CDC45: variants seen among roughly 807,000 people sequenced by gnomAD.
The protein encoded by CDC45 is cell division control protein 45 homolog.
Under a neutral mutation model 77.8 loss-of-function variants are expected in CDC45, and 54 were observed. The ratio of observed to expected loss-of-function variants is 0.69; its 90% CI spans 0.56 to 0.87. The LOEUF is 0.87. CDC45 is among the 40% of genes least tolerant of loss of function. The pLI, the probability that CDC45 is intolerant of heterozygous loss-of-function variation, is 0.00. For synonymous variants in CDC45, 260 were observed against 272.1 expected, an observed-to-expected ratio of 0.96 and a Z score of 0.44; for missense variants, 649 against 721.6, an observed-to-expected ratio of 0.90 and a Z score of 1.15.
At chr22:19,517,725 T>C (rs1933878276) in intron 17 of CDC45, among the ~76,000 whole-genome samples, 1 of 152,156 alleles carries the variant, frequency 6.6e-6, no homozygotes. Flanking sequence ...GCATACCTCC[T>C]TGGTGTCTGT....
chr22:19,483,783 TAA>T lies in CDC45; in HGVS notation c.343-78_343-77del, dbSNP rs567751696. 800 of 1,346,314 alleles carry T rather than the reference TAA, an allele frequency of 5.9e-4. 2 individuals carry two copies. In the African/African-American group the frequency reaches 0.011, roughly 18 times the overall value. 83.4% of individuals were successfully genotyped at this position (1,346,314 alleles called of 1,614,324 possible). A position where few individuals can be genotyped will look rare whatever the true frequency, so the allele number is the denominator to read the frequency against. ...ACTGAGTCAGCTTATTAGGAAATGATAAGATTCTGCAGAAGAACATATTGTAT... is the reference window on the plus strand; with the variant it reads ...ACTGAGTCAGCTTATTAGGAAATGATGATTCTGCAGAAGAACATATTGTAT... On this transcript the variant is annotated intron_variant, in intron 4 of 18. Transcript: ENST00000263201.
chr22:19,495,513 A>G (rs1186355382), intron 6 of CDC45, among the ~76,000 whole-genome samples: 1 of 152,214 alleles, frequency 6.6e-6, no homozygotes, highest in African/African-American at 2.4e-5. Context: ...ACACATATAC[A>G]TTCTGCTAAA....
chr22:19,519,271 G>C (rs1452504298), intron 18 of CDC45, among the ~76,000 whole-genome samples: 1 of 152,214 alleles, frequency 6.6e-6, no homozygotes, highest in Non-Finnish European at 1.5e-5. Flanking sequence ...CACAGCCTTC[G>C]TGTCAGGCGC....
chr22:19,489,022 A>G (rs1486870483), intron 5 of CDC45, among the ~76,000 whole-genome samples: 1 of 152,072 alleles, frequency 6.6e-6, no homozygotes, highest in Non-Finnish European at 1.5e-5. Flanking sequence ...CAAAAACTAC[A>G]AAAATTAGCC....
chr22:19,498,622 G>A (rs1236404968), intron 8 of CDC45, among the ~76,000 whole-genome samples: 2 of 152,254 alleles, frequency 1.3e-5, no homozygotes. Flanking sequence ...AGGATGAGTA[G>A]ATGTGAACAC....
Position 19,480,965 on chromosome 22 carries a change from T to C in CDC45, c.124T>C (p.Cys42Arg), listed in dbSNP as rs757423519. Residue 42 changes from cysteine (C) to arginine (R), a missense_variant, in exon 3 of 19, where the codon TGT becomes CGT. Transcript: ENST00000263201. Reference sequence around the variant, plus strand: ...ACTCTCTCTCCAGGCCTTGTTCCAGTGTGACCACGTGCAATATACGCTGGT... The same window carrying C: ...ACTCTCTCTCCAGGCCTTGTTCCAGCGTGACCACGTGCAATATACGCTGGT... ...ACKILQALFQCDHVQYTLVPV... is the reference protein window; with the variant it reads ...ACKILQALFQRDHVQYTLVPV... The C allele has an allele frequency of 6.2e-7, 1 of 1,611,818 alleles. No homozygotes were observed.
intron 9 of CDC45, among the ~76,000 whole-genome samples, chr22:19,503,021 G>C (rs569051790): frequency 6.6e-6 from 1 of 152,198 alleles, no homozygotes; most frequent in Non-Finnish European, 1.5e-5. Flanking sequence ...AAAAAAATCA[G>C]CTGGGCATGG....
Position 19,497,418 on chromosome 22 carries a change from G to A in CDC45, c.624G>A (p.Met208Ile). ...SAMVMFELAWMLSKDLNDMLW... is the reference protein window; with the variant it reads ...SAMVMFELAWILSKDLNDMLW... The stretch of plus-strand genomic sequence containing the variant: ...TGGTGATGTTTGAGCTGGCTTGGAT[G>A]CTGTCCAAGGACCTGAATGACATGC... The change falls in exon 8 of 19, where the codon ATG becomes ATA. Residue 208 changes from methionine (M) to isoleucine (I), a missense_variant. By Grantham distance (10) the Met-to-Ile change is conservative (BLOSUM62 1). Transcript: ENST00000263201. The A allele has an allele frequency of 6.2e-7, 1 of 1,614,096 alleles. No individual in the cohort carries two copies. Among genetic ancestry groups the A allele is most frequent in the Admixed American group, 1.7e-5 (1 of 60,028 alleles).
intron 4 of CDC45, 56 bp from the exon 5 acceptor site, chr22:19,483,806 T>C: frequency 6.7e-7 from 1 of 1,491,790 alleles, no homozygotes. Context: ...AAGAACATAT[T>C]GTATAGTTTT....
chr22:19,498,743 C>G (rs1314904894), intron 8 of CDC45, among the ~76,000 whole-genome samples: 1 of 152,222 alleles, frequency 6.6e-6, no homozygotes, highest in Non-Finnish European at 1.5e-5. Flanking sequence ...ACTGTATCAA[C>G]TCCACTCCGA....
intron 9 of CDC45, among the ~76,000 whole-genome samples, chr22:19,501,303 AG>A (rs780000001): frequency 6.6e-6 from 1 of 152,232 alleles, no homozygotes; most frequent in Non-Finnish European, 1.5e-5. Context: ...GACAAGCCCA[AG>A]TGGCCACTGG....
chr22:19,496,008 G>A lies in CDC45; in HGVS notation c.570G>A (p.Gln190=). 1.2e-6 allele frequency: 2 copies of A among 1,610,916 alleles called. No homozygotes were observed. Among genetic ancestry groups the A allele is most frequent in the Middle Eastern group, 1.7e-4 (1 of 6,060 alleles). Residue 190 remains glutamine (Q), a synonymous_variant, in exon 7 of 19, where the codon CAG becomes CAA. Transcript: ENST00000263201. ...RRRDILFDYE[Q]YEYHGTSSAM... ...GAGACATCCTCTTTGACTACGAGCA[G>A]TATGAATATCATGGGACATCGGTAA...
At chr22:19,490,646 G>A (rs2090140388) in intron 5 of CDC45, among the ~76,000 whole-genome samples, 1 of 151,320 alleles carries the variant, frequency 6.6e-6, no homozygotes, top group Admixed American at 6.6e-5. Context: ...AAAGTGCTGG[G>A]ATTACAGCCA....
chr22:19,481,493 C>G (rs930907629), intron 3 of CDC45, among the ~76,000 whole-genome samples: 4 of 151,992 alleles, frequency 2.6e-5, no homozygotes, highest in Admixed American at 2.6e-4. Context: ...ATTCTTCTGC[C>G]TCAGCCTCCT....
chr22:19,511,329 C>CTTTT (rs374439054), intron 13 of CDC45, among the ~76,000 whole-genome samples: 24 of 126,334 alleles, frequency 1.9e-4, no homozygotes, highest in African/African-American at 4.6e-4. Flanking sequence ...AGTCCTTTGT[C>CTTTT]TTTTTTTTTT....
chr22:19,514,730 T>C lies in CDC45; in HGVS notation c.1218-19T>C, dbSNP rs371108858. Reference sequence around the variant, plus strand: ...TTCCTGACAAGCACCACCAAAGCCATGTGTCTGCCCTGTTACAGGAGTAAC... The same window carrying C: ...TTCCTGACAAGCACCACCAAAGCCACGTGTCTGCCCTGTTACAGGAGTAAC... On this transcript the variant is annotated intron_variant, in intron 13 of 18. Coordinates refer to ENST00000263201, the MANE Select transcript of CDC45 (RefSeq NM_003504.5). 9.5e-4 allele frequency: 1,503 copies of C among 1,575,134 alleles called. 29 individuals carry two copies. In the South Asian group the frequency reaches 0.017, roughly 17 times the overall value.
At chr22:19,506,557 T>C (rs1933185832) in intron 10 of CDC45, among the ~76,000 whole-genome samples, 1 of 151,992 alleles carries the variant, frequency 6.6e-6, no homozygotes, top group Admixed American at 6.5e-5. Flanking sequence ...TCTCGTCCTG[T>C]AGAGGGGAAA....
intron 6 of CDC45, 70 bp downstream of exon 6, chr22:19,494,452 T>A (rs2090206107): frequency 6.3e-7 from 1 of 1,593,382 alleles, no homozygotes; most frequent in South Asian, 1.1e-5. Flanking sequence ...GTGCCACCCA[T>A]ACCTCTGACT....
At chr22:19,506,035 GT>G (rs1266625618) in intron 10 of CDC45, among the ~76,000 whole-genome samples, 1 of 152,168 alleles carries the variant, frequency 6.6e-6, no homozygotes, top group Non-Finnish European at 1.5e-5. Context: ...TTGAGTCAGG[GT>G]TTTTAAAAGG....
Sources: gnomAD v4.1 joint callset for allele counts (sites outside exome capture counted in the v4.1 genomes callset) on GRCh38, gnomAD v4.1.1 for gene constraint, MANE v1.5 for transcripts, NCBI Gene and HGNC (gene_info 2026-07-23, HGNC 2026-07-21) for gene names.